Variants in ANO6 observed in about 807,000 individuals in gnomAD.
ANO6 encodes the protein anoctamin-6.
Under a neutral mutation model 117.5 loss-of-function variants are expected in ANO6, and 106 were observed. That is an observed-to-expected ratio of 0.90 (90% CI 0.77 to 1.06). ANO6 has a LOEUF of 1.06. ANO6 is among the 50% of genes least tolerant of loss of function. The pLI, the probability that ANO6 is intolerant of heterozygous loss-of-function variation, is 0.00. For missense variants in ANO6, 955 were observed against 1,121.1 expected, an observed-to-expected ratio of 0.85 and a Z score of 2.12; for synonymous variants, 367 against 385.1, an observed-to-expected ratio of 0.95 and a Z score of 0.55.
intron 8 of ANO6, among the ~76,000 whole-genome samples, chr12:45,361,997 C>T (rs1037693036): frequency 6.6e-6 from 1 of 151,998 alleles, no homozygotes; most frequent in African/African-American, 2.4e-5. Flanking sequence ...TAATACCAGT[C>T]GCATAGAATG....
intron 7 of ANO6, among the ~76,000 whole-genome samples, chr12:45,352,348 T>A (rs918237291): frequency 1.3e-5 from 2 of 152,122 alleles, no homozygotes; most frequent in African/African-American, 2.4e-5. Context: ...CTGGATCATT[T>A]TGAAGCAAAT....
At chr12:45,276,017 TGTTC>T (rs1174143500) in intron 1 of ANO6, among the ~76,000 whole-genome samples, 2 of 152,178 alleles carry the variant, frequency 1.3e-5, no homozygotes, top group Non-Finnish European at 1.5e-5. Flanking sequence ...GGATGTCTCA[TGTTC>T]AGGGAGGAAC....
chr12:45,376,837 A>T (rs1808461837), intron 9 of ANO6, among the ~76,000 whole-genome samples: 1 of 151,884 alleles, frequency 6.6e-6, no homozygotes, highest in African/African-American at 2.4e-5. Flanking sequence ...ATGTACCCTA[A>T]AACTTAAAGT....
chr12:45,240,735 A>G (rs1325703769), intron 1 of ANO6, among the ~76,000 whole-genome samples: 1 of 152,042 alleles, frequency 6.6e-6, no homozygotes, highest in Non-Finnish European at 1.5e-5. Context: ...AGCTCTTGTA[A>G]GGCAGGCCTG....
intron 16 of ANO6, 63 bp downstream of exon 16, chr12:45,409,550 A>G (rs1266321085): frequency 6.4e-7 from 1 of 1,553,500 alleles, no homozygotes; most frequent in Non-Finnish European, 8.8e-7. Flanking sequence ...GGATACCAAA[A>G]GCATCTGTTA....
At chr12:45,437,386 T>C (rs995576800) in intron 19 of ANO6, among the ~76,000 whole-genome samples, 1 of 152,210 alleles carries the variant, frequency 6.6e-6, no homozygotes, top group Non-Finnish European at 1.5e-5. Context: ...TCTCACTAGA[T>C]TATTTTGAAA....
At chr12:45,261,102 G>A (rs1938016477) in intron 1 of ANO6, among the ~76,000 whole-genome samples, 1 of 152,130 alleles carries the variant, frequency 6.6e-6, no homozygotes, top group Non-Finnish European at 1.5e-5. Flanking sequence ...TTACAGGCAT[G>A]AGCCACCATG....
intron 1 of ANO6, among the ~76,000 whole-genome samples, chr12:45,274,396 C>T (rs1938482663): frequency 6.6e-6 from 1 of 152,134 alleles, no homozygotes; most frequent in Admixed American, 6.5e-5. Flanking sequence ...GTGATACCAC[C>T]TAGTCACTCA....
chr12:45,323,390 TAATCCCTG>T (rs981600721), intron 2 of ANO6, among the ~76,000 whole-genome samples: 28 of 152,138 alleles, frequency 1.8e-4, no homozygotes, highest in South Asian at 2.1e-4. Flanking sequence ...CTAAAAGAAG[TAATCCCTG>T]ATAATCTGAG....
rs1463404061 is a variant in ANO6, at chr12:45,297,935, G to A, written c.71-4079G>A. Among the ~76,000 whole-genome samples, 9 of 152,196 alleles carry A rather than the reference G, an allele frequency of 5.9e-5. No homozygotes were observed. The East Asian group carries it at 1.5e-3, about 26-fold the overall frequency. On this transcript the variant is annotated intron_variant, in intron 1 of 19. Coordinates refer to ENST00000320560, the MANE Select transcript of ANO6 (RefSeq NM_001025356.3). ...AAAATTAACATTAATTATGTCTCTGGTTTCTTTCTTCAAGAAAACGGAACC... is the reference window on the plus strand; with the variant it reads ...AAAATTAACATTAATTATGTCTCTGATTTCTTTCTTCAAGAAAACGGAACC...
At chr12:45,235,161 G>C (rs1301918247) in intron 1 of ANO6, among the ~76,000 whole-genome samples, 1 of 152,226 alleles carries the variant, frequency 6.6e-6, no homozygotes, top group Non-Finnish European at 1.5e-5. Flanking sequence ...CCTCTCCAAT[G>C]TGGTGCTACT....
chr12:45,225,354 G>A (rs1947465723), intron 1 of ANO6, among the ~76,000 whole-genome samples: 1 of 152,052 alleles, frequency 6.6e-6, no homozygotes, highest in African/African-American at 2.4e-5. Context: ...TTGTATTTTA[G>A]CTGTACATCT....
chr12:45,347,588 A>G (rs1453659863), intron 4 of ANO6: 1 of 184,286 alleles, frequency 5.4e-6, no homozygotes, highest in Non-Finnish European at 1.1e-5. Context: ...ATGTCAATAA[A>G]TATAATTCTT....
At chr12:45,416,350 A>G (rs1237157261) in intron 16 of ANO6, among the ~76,000 whole-genome samples, 1 of 152,180 alleles carries the variant, frequency 6.6e-6, no homozygotes, top group Non-Finnish European at 1.5e-5. Context: ...CCTAAACCAC[A>G]AATCTTCTTT....
chr12:45,218,564 G>GT (rs1592826941), intron 1 of ANO6, among the ~76,000 whole-genome samples: 1 of 151,590 alleles, frequency 6.6e-6, no homozygotes, highest in South Asian at 2.1e-4. Flanking sequence ...CTAGTTGGTT[G>GT]TTTTTTTGGA....
At chr12:45,426,703 C>T (rs1489824037) in intron 19 of ANO6, among the ~76,000 whole-genome samples, 2 of 152,082 alleles carry the variant, frequency 1.3e-5, no homozygotes, top group Non-Finnish European at 2.9e-5. Flanking sequence ...AGTACGCTTT[C>T]CTCCTGCGTC....
At chr12:45,245,831 G>A (rs759090206) in intron 1 of ANO6, among the ~76,000 whole-genome samples, 3 of 151,670 alleles carry the variant, frequency 2.0e-5, no homozygotes, top group Non-Finnish European at 4.4e-5. Context: ...TTAATTACAG[G>A]CATTCATGAA....
In ANO6 at chr12:45,429,525, A is replaced by G. The variant is rs571114617; in HGVS notation, c.*214A>G. 2.3e-5 allele frequency: 32 copies of G among 1,369,580 alleles called. No homozygotes were observed. The East Asian group carries it at 4.6e-4, about 20-fold the overall frequency. 84.8% of individuals were successfully genotyped at this position (1,369,580 alleles called of 1,614,324 possible). ...GAAGGGCATAAAACTTATCACCCGG[A>G]AAACCTCAATGTTACCTTTTTCTGA... On this transcript the variant is annotated 3_prime_UTR_variant, in exon 20 of 20. Transcript: ENST00000320560.
At chr12:45,267,705 C>T (rs576303449) in intron 1 of ANO6, among the ~76,000 whole-genome samples, 90 of 152,140 alleles carry the variant, frequency 5.9e-4, no homozygotes, top group African/African-American at 2.0e-3. Flanking sequence ...GCAGGAGAAT[C>T]GCTTGAACCA....
Sources: allele counts gnomAD v4.1 joint callset (sites outside exome capture counted in the v4.1 genomes callset), GRCh38; gene constraint gnomAD v4.1.1; transcripts MANE v1.5; gene names NCBI Gene and HGNC (gene_info 2026-07-23, HGNC 2026-07-21).